Variants in PBX3 observed in about 807,000 individuals in gnomAD.
PBX3 encodes the protein pre-B-cell leukemia transcription factor 3.
PBX3 carries 14 observed loss-of-function variants against 48.5 expected under a neutral mutation model. The ratio of observed to expected loss-of-function variants is 0.29; its 90% CI spans 0.19 to 0.45. The LOEUF (loss-of-function observed/expected upper bound fraction) is 0.45, where lower values mean the gene tolerates loss of function less well. PBX3 is among the 20% of genes least tolerant of loss of function. The pLI is 1.00. For synonymous variants in PBX3, 210 were observed against 200.3 expected (o/e 1.05, Z -0.41); for missense variants, 386 against 546.7 (o/e 0.71, Z 2.93).
chr9:125,853,568 A>T (rs1839639143), intron 2 of PBX3, among the ~76,000 whole-genome samples: 2 of 152,224 alleles, frequency 1.3e-5, no homozygotes, highest in African/African-American at 4.8e-5. Flanking sequence ...CTAACAATTG[A>T]GACTTTTGGA....
intron 5 of PBX3, among the ~76,000 whole-genome samples, chr9:125,941,830 A>G (rs191588327): frequency 2.6e-3 from 390 of 152,356 alleles, no homozygotes; most frequent in Admixed American, 8.3e-3. Context: ...TACATTGATT[A>G]TTCAAGTTAC....
At chr9:125,878,406 A>G (rs1218297666) in intron 2 of PBX3, among the ~76,000 whole-genome samples, 1 of 152,252 alleles carries the variant, frequency 6.6e-6, no homozygotes, top group Non-Finnish European at 1.5e-5. Flanking sequence ...TATAAGGGTC[A>G]GTATGCATAA....
intron 2 of PBX3, among the ~76,000 whole-genome samples, chr9:125,763,265 T>G (rs1375072150): frequency 1.3e-5 from 2 of 152,238 alleles, no homozygotes; most frequent in Admixed American, 6.5e-5. Context: ...TAACCTGAAT[T>G]TAATGATTTT....
At chr9:125,904,153 T>A (rs531050209) in intron 2 of PBX3, among the ~76,000 whole-genome samples, 1 of 152,044 alleles carries the variant, frequency 6.6e-6, no homozygotes, top group South Asian at 2.1e-4. Flanking sequence ...GGACCCATTT[T>A]GAATGTGAGT....
intron 5 of PBX3, among the ~76,000 whole-genome samples, chr9:125,945,244 A>G (rs1842042420): frequency 6.7e-6 from 1 of 150,274 alleles, no homozygotes; most frequent in Admixed American, 6.6e-5. Context: ...AAAAAAAAAT[A>G]GCATGTACTT....
At chr9:125,859,238 C>T (rs754451982) in intron 2 of PBX3, among the ~76,000 whole-genome samples, 5 of 152,154 alleles carry the variant, frequency 3.3e-5, no homozygotes, top group Non-Finnish European at 7.4e-5. Flanking sequence ...ATTGATTTTG[C>T]TAAAGTCGGT....
intron 2 of PBX3, among the ~76,000 whole-genome samples, chr9:125,790,946 C>T (rs1182306181): frequency 1.3e-5 from 2 of 148,704 alleles, no homozygotes; most frequent in Non-Finnish European, 3.0e-5. Flanking sequence ...CAGAGTCTTG[C>T]TCTGTTGCCC....
chr9:125,961,153 C>T (rs1275772021), intron 6 of PBX3, among the ~76,000 whole-genome samples: 1 of 152,186 alleles, frequency 6.6e-6, no homozygotes, highest in East Asian at 1.9e-4. Flanking sequence ...TATTTCTTTC[C>T]AGATACCACT....
rs2118842545 is a variant in PBX3 at position 125,966,441 on chromosome 9, T to A, written c.*518T>A. The A allele has an allele frequency of 6.5e-6, 1 of 152,950 alleles. No homozygotes were observed. The highest frequency in any genetic ancestry group is 1.5e-5 in the Non-Finnish European group (1 of 68,160). 9.5% of individuals were successfully genotyped at this position (152,950 alleles called of 1,614,324 possible). Reference sequence around the variant, plus strand: ...TGGTTGTGTTTAAGAATCTTCCTCGTCACGTTTGTGTTCAGATCTCTTATG... The same window carrying A: ...TGGTTGTGTTTAAGAATCTTCCTCGACACGTTTGTGTTCAGATCTCTTATG... On this transcript the variant is annotated 3_prime_UTR_variant, in exon 9 of 9. Transcript: ENST00000373489.
intron 2 of PBX3, among the ~76,000 whole-genome samples, chr9:125,897,977 C>T (rs1325267988): frequency 2.0e-5 from 3 of 151,810 alleles, no homozygotes; most frequent in Non-Finnish European, 2.9e-5. Context: ...CTACAAAATA[C>T]ATCCTTCTTT....
At chr9:125,950,245 AT>A (rs1842164946) in intron 5 of PBX3, among the ~76,000 whole-genome samples, 1 of 152,198 alleles carries the variant, frequency 6.6e-6, no homozygotes, top group African/African-American at 2.4e-5. Flanking sequence ...ATGAGCAGTT[AT>A]CAGTCTATCA....
intron 2 of PBX3, among the ~76,000 whole-genome samples, chr9:125,859,118 G>T (rs1447682540): frequency 6.6e-6 from 1 of 152,140 alleles, no homozygotes; most frequent in East Asian, 1.9e-4. Flanking sequence ...TAGGAGAAAC[G>T]ATAGTATAGG....
chr9:125,789,091 A>T (rs1837533774), intron 2 of PBX3, among the ~76,000 whole-genome samples: 1 of 152,200 alleles, frequency 6.6e-6, no homozygotes, highest in Non-Finnish European at 1.5e-5. Context: ...ACATTGACAC[A>T]TTTAGTTCAA....
At chr9:125,842,935 A>G (rs1564134241) in intron 2 of PBX3, among the ~76,000 whole-genome samples, 1 of 152,096 alleles carries the variant, frequency 6.6e-6, no homozygotes, top group Admixed American at 6.6e-5. Flanking sequence ...TTTCTTTACA[A>G]AATTAAGCTC....
chr9:125,843,456 C>T (rs1042853881), intron 2 of PBX3, among the ~76,000 whole-genome samples: 1 of 151,904 alleles, frequency 6.6e-6, no homozygotes, highest in Non-Finnish European at 1.5e-5. Flanking sequence ...TTCCTATTGT[C>T]TGTATTTCCT....
chr9:125,776,527 C>A (rs1360975730), intron 2 of PBX3, among the ~76,000 whole-genome samples: 1 of 152,092 alleles, frequency 6.6e-6, no homozygotes, highest in African/African-American at 2.4e-5. Flanking sequence ...TGGCTTCAGT[C>A]TCACAATAGT....
At chr9:125,785,661 C>T (rs1195761971) in intron 2 of PBX3, among the ~76,000 whole-genome samples, 3 of 152,224 alleles carry the variant, frequency 2.0e-5, no homozygotes, top group South Asian at 2.1e-4. Flanking sequence ...TCATGTGAGT[C>T]AATTCTCCCT....
intron 2 of PBX3, among the ~76,000 whole-genome samples, chr9:125,885,836 AGT>A (rs1840487753): frequency 6.6e-6 from 1 of 151,676 alleles, no homozygotes; most frequent in African/African-American, 2.4e-5. Flanking sequence ...TACAGCAATA[AGT>A]GTTTACATTG....
chr9:125,781,410 C>T (rs971274171), intron 2 of PBX3, among the ~76,000 whole-genome samples: 1 of 151,458 alleles, frequency 6.6e-6, no homozygotes, highest in Non-Finnish European at 1.5e-5. Context: ...ATCGCAGGCA[C>T]TCGGCCGGCT....
Sources: gnomAD v4.1 joint callset for allele counts (sites outside exome capture counted in the v4.1 genomes callset) on GRCh38, gnomAD v4.1.1 for gene constraint, MANE v1.5 for transcripts, NCBI Gene and HGNC (gene_info 2026-07-23, HGNC 2026-07-21) for gene names.